The following PLCH1 variants were observed in gnomAD, a reference collection of about 807,000 sequenced individuals.
PLCH1 encodes the protein 1-phosphatidylinositol 4,5-bisphosphate phosphodiesterase eta-1.
In PLCH1, 60 loss-of-function variants were observed where a neutral mutation model predicts 126.7. The ratio of observed to expected loss-of-function variants is 0.47; its 90% CI spans 0.38 to 0.59. The LOEUF (loss-of-function observed/expected upper bound fraction) is 0.59. Ranked by LOEUF, PLCH1 falls within the 20% of genes least tolerant of loss-of-function variation. PLCH1 has a pLI of 0.00. For missense variants in PLCH1, 1,723 were observed against 2,040.0 expected, an observed-to-expected ratio of 0.84 and a Z score of 2.99; for synonymous variants, 719 against 734.9, an observed-to-expected ratio of 0.98 and a Z score of 0.35.
intron 6 of PLCH1, among the ~76,000 whole-genome samples, chr3:155,579,472 G>A (rs1003843434): frequency 2.0e-5 from 3 of 152,168 alleles, no homozygotes; most frequent in African/African-American, 7.2e-5. Flanking sequence ...AAGTTAATGT[G>A]ATCAAGTTGC....
At chr3:155,510,716 G>A (rs1180107020) in intron 12 of PLCH1, among the ~76,000 whole-genome samples, 5 of 99,472 alleles carry the variant, frequency 5.0e-5, no homozygotes, top group East Asian at 2.3e-4. Context: ...GGTTTCTGCC[G>A]AGAGATCCGC....
chr3:155,532,284 C>A (rs1722803060), intron 10 of PLCH1, among the ~76,000 whole-genome samples: 1 of 152,122 alleles, frequency 6.6e-6, no homozygotes, highest in Non-Finnish European at 1.5e-5. Flanking sequence ...ACCAGGAAAA[C>A]CAAAAGAATT....
intron 10 of PLCH1, 137 bp downstream of exon 10, chr3:155,549,650 C>T (rs1020218482): frequency 1.8e-4 from 109 of 620,646 alleles, no homozygotes; most frequent in Non-Finnish European, 2.4e-4. Flanking sequence ...TGGAATAAGG[C>T]GCATACATAG....
Position 155,562,713 on chromosome 3 carries a change from A to G in PLCH1, c.1069+2202T>C, listed in dbSNP as rs1727795106. The stretch of plus-strand genomic sequence containing the variant: ...TTGCTGATTTTAAGCCCTGTGGCCA[A>G]TCTCCACTCACTTTATACTGAGTGG... On this transcript the variant is annotated intron_variant, in intron 8 of 22. Coordinates refer to ENST00000460012, the MANE Select transcript of PLCH1 (RefSeq NM_014996.4). Among the ~76,000 whole-genome samples, 3 of 152,172 alleles carry G rather than the reference A, an allele frequency of 2.0e-5. No homozygotes were observed. In the South Asian group the frequency reaches 6.2e-4, roughly 32 times the overall value.
chr3:155,741,472 T>A (rs1559976999), intron 1 of PLCH1, among the ~76,000 whole-genome samples: 1 of 152,144 alleles, frequency 6.6e-6, no homozygotes, highest in Non-Finnish European at 1.5e-5. Context: ...GAAGGAAAGA[T>A]GAGAGTTTCC....
At chr3:155,476,137 T>C (rs1713535716), downstream of PLCH1, among the ~76,000 whole-genome samples, 2 of 152,040 alleles carry the variant, frequency 1.3e-5, no homozygotes, top group Non-Finnish European at 1.5e-5. Context: ...TTATCACCCA[T>C]GGATGGTCCA....
chr3:155,715,845 C>A (rs116778129), intron 1 of PLCH1, among the ~76,000 whole-genome samples: 30 of 152,048 alleles, frequency 2.0e-4, no homozygotes, highest in Non-Finnish European at 2.8e-4. Context: ...CCTAAGCAAT[C>A]CTCCCACCTC....
intron 2 of PLCH1, among the ~76,000 whole-genome samples, chr3:155,648,331 T>C (rs1414213278): frequency 1.3e-5 from 2 of 152,218 alleles, no homozygotes; most frequent in African/African-American, 4.8e-5. Context: ...CACAAGATGT[T>C]AGGGCCTTGG....
intron 2 of PLCH1, among the ~76,000 whole-genome samples, chr3:155,640,658 T>C (rs1559883319): frequency 6.6e-6 from 1 of 152,212 alleles, no homozygotes; most frequent in African/African-American, 2.4e-5. Context: ...AAGGGCATAT[T>C]TTATGTAACA....
Position 155,504,576 on chromosome 3 carries a change from C to T in PLCH1, c.1683G>A (p.Met561Ile). ...ATACCTTATGTTTTCCAAAGTTGGT[C>T]ATGAGGGATCGTCCATGTGATTTCT... is the stretch of plus-strand genomic sequence containing the variant. ...SGKKSHGRSL[M>I]TNFGKHKKTT... is the part of the protein sequence containing the mutation. The change falls in exon 13 of 23, where the codon ATG (methionine) becomes ATA (isoleucine). Residue 561 changes from methionine (M) to isoleucine (I), a missense_variant. Transcript: ENST00000460012. 6.2e-7 allele frequency: 1 copy of T among 1,605,118 alleles called. No individual in the cohort carries two copies. Among genetic ancestry groups the T allele is most frequent in the Non-Finnish European group, 8.5e-7 (1 of 1,171,900 alleles).
intron 1 of PLCH1, among the ~76,000 whole-genome samples, chr3:155,724,835 G>GTGTC (rs1443851314): frequency 1.3e-5 from 2 of 151,618 alleles, no homozygotes; most frequent in East Asian, 3.9e-4. Context: ...GTGTGTGTGT[G>GTGTC]TGTGTGTGTG....
intron 22 of PLCH1, among the ~76,000 whole-genome samples, chr3:155,485,131 T>A (rs1447545650): frequency 6.6e-6 from 1 of 152,186 alleles, no homozygotes; most frequent in Non-Finnish European, 1.5e-5. Flanking sequence ...TATCCCTCAC[T>A]GTCAATTTCA....
At chr3:155,537,740 TTTATAAAACAGTTACTACTAGACCTAAG>T (rs1723636844) in intron 10 of PLCH1, among the ~76,000 whole-genome samples, 1 of 152,060 alleles carries the variant, frequency 6.6e-6, no homozygotes, top group Non-Finnish European at 1.5e-5. Flanking sequence ...AGCTCCCAAA[TTTATAAAACAGTTACTACTAGACCTAAG>T]AAATAATGTA....
In PLCH1 at chr3:155,504,644, T is replaced by C. The variant is rs777159434; in HGVS notation, c.1633-18A>G. On this transcript the variant is annotated intron_variant, in intron 12 of 22. Coordinates refer to ENST00000460012, the MANE Select transcript of PLCH1 (RefSeq NM_014996.4). ...TCTGGACTCTGAATAAATAAAGGCA[T>C]AATATAACTATTTATCTTCTTTGCT... 16 of 1,492,142 alleles carry C rather than the reference T, an allele frequency of 1.1e-5. No individual in the cohort carries two copies. The highest frequency in any genetic ancestry group is 1.4e-5 in the Non-Finnish European group (15 of 1,069,232). The allele number at this position is 1,492,142 out of a possible 1,614,324, so 92.4% of individuals were successfully genotyped here.
At chr3:155,475,228 AG>A (rs1713486250), downstream of PLCH1, among the ~76,000 whole-genome samples, 1 of 152,096 alleles carries the variant, frequency 6.6e-6, no homozygotes, top group Non-Finnish European at 1.5e-5. Flanking sequence ...TGGTTCAAAA[AG>A]AAATTAAGAA....
intron 10 of PLCH1, among the ~76,000 whole-genome samples, chr3:155,544,367 G>T (rs1724877249): frequency 1.3e-5 from 2 of 152,044 alleles, no homozygotes. Flanking sequence ...CCCAATACAG[G>T]AGCACCCAGA....
chr3:155,649,108 A>AG (rs1257302137), intron 2 of PLCH1, among the ~76,000 whole-genome samples: 3 of 152,068 alleles, frequency 2.0e-5, no homozygotes, highest in Non-Finnish European at 2.9e-5. Context: ...GGAGGGCAAG[A>AG]GGGGGGCTCA....
chr3:155,487,214 GCTTT>G (rs1341560974), intron 21 of PLCH1: 5 of 152,194 alleles, frequency 3.3e-5, no homozygotes, highest in African/African-American at 7.2e-5. Flanking sequence ...GTACCAGGCA[GCTTT>G]CTAAGGATAA....
chr3:155,656,670 G>T (rs1293789665), intron 2 of PLCH1, among the ~76,000 whole-genome samples: 1 of 152,154 alleles, frequency 6.6e-6, no homozygotes, highest in Non-Finnish European at 1.5e-5. Flanking sequence ...GTGCCTGTGT[G>T]AATTCCTCAG....
Sources: allele counts gnomAD v4.1 joint callset (sites outside exome capture counted in the v4.1 genomes callset), GRCh38; gene constraint gnomAD v4.1.1; transcripts MANE v1.5; gene names NCBI Gene and HGNC (gene_info 2026-07-23, HGNC 2026-07-21).